The following FAM168A variants were observed in gnomAD, a reference collection of about 807,000 sequenced individuals.
The protein encoded by FAM168A is family with sequence similarity 168 member A, also known as protein FAM168A.
In FAM168A, 3 loss-of-function variants were observed where a neutral mutation model predicts 28.5. That is an observed-to-expected ratio of 0.11 (90% confidence interval 0.05 to 0.27). The LOEUF (loss-of-function observed/expected upper bound fraction) is 0.27. Ranked by LOEUF, FAM168A falls within the 10% of genes least tolerant of loss-of-function variation. FAM168A has a pLI of 1.00. For synonymous variants in FAM168A, 122 were observed against 124.2 expected (o/e 0.98, Z 0.12); for missense variants, 222 against 311.5 (o/e 0.71, Z 2.16).
At chr11:73,456,912 TG>T (rs35228221) in intron 2 of FAM168A, among the ~76,000 whole-genome samples, 3 of 152,140 alleles carry the variant, frequency 2.0e-5, no homozygotes, top group Admixed American at 2.0e-4. Flanking sequence ...CCTCCAAATA[TG>T]GGGGTTATGT....
At chr11:73,416,552 A>T (rs1019839198) in intron 4 of FAM168A, among the ~76,000 whole-genome samples, 1 of 152,226 alleles carries the variant, frequency 6.6e-6, no homozygotes, top group Non-Finnish European at 1.5e-5. Context: ...TGAATTTGTC[A>T]AAGTGCCCTG....
intron 2 of FAM168A, among the ~76,000 whole-genome samples, chr11:73,435,502 G>A (rs1033304588): frequency 6.6e-6 from 1 of 152,116 alleles, no homozygotes; most frequent in African/African-American, 2.4e-5. Context: ...AGCATTACAG[G>A]GAGCTTTATT....
intron 1 of FAM168A, among the ~76,000 whole-genome samples, chr11:73,536,288 C>CAAATAAA (rs1474492014): frequency 6.6e-6 from 1 of 152,122 alleles, no homozygotes; most frequent in Non-Finnish European, 1.5e-5. Flanking sequence ...TTTGGGACCA[C>CAAATAAA]AAATAAAAAG....
chr11:73,412,504 AC>A (rs1400056089), intron 4 of FAM168A, among the ~76,000 whole-genome samples: 1 of 152,228 alleles, frequency 6.6e-6, no homozygotes. Context: ...ACAGAAAAAA[AC>A]TTGAAACATG....
chr11:73,466,253 C>T lies in FAM168A; in HGVS notation c.70+2152G>A, dbSNP rs533936280. 5.9e-5 allele frequency among the ~76,000 whole-genome samples: 9 copies of T among 152,110 alleles called. 1 individual carries two copies. Among genetic ancestry groups the T allele is most frequent in the Non-Finnish European group, 1.3e-4 (9 of 68,026 alleles). ...GCTCCTCAAAGGGAAGCTTTCCTAG[C>T]CCTAGAAATGGAAAAGACAATCCTC... On this transcript the variant is annotated intron_variant, in intron 2 of 7. Coordinates refer to ENST00000356467, the MANE Select transcript of FAM168A (RefSeq NM_015159.3).
intron 1 of FAM168A, among the ~76,000 whole-genome samples, chr11:73,511,458 C>T (rs1284747373): frequency 1.3e-5 from 2 of 151,814 alleles, no homozygotes; most frequent in Non-Finnish European, 2.9e-5. Context: ...AGGATGGTCT[C>T]GATCTCCTGA....
intron 1 of FAM168A, among the ~76,000 whole-genome samples, chr11:73,497,003 T>G (rs1347817781): frequency 9.2e-5 from 14 of 152,164 alleles, no homozygotes; most frequent in Non-Finnish European, 1.2e-4. Flanking sequence ...ATTCCCCACG[T>G]ATTTTTGAAA....
At chr11:73,578,114 T>C (rs1324000077) in intron 1 of FAM168A, among the ~76,000 whole-genome samples, 1 of 152,204 alleles carries the variant, frequency 6.6e-6, no homozygotes, top group African/African-American at 2.4e-5. Flanking sequence ...AGGCTCTTTA[T>C]ACACATTAAT....
intron 1 of FAM168A, among the ~76,000 whole-genome samples, chr11:73,537,270 C>T (rs908689244): frequency 7.9e-5 from 12 of 152,080 alleles, no homozygotes; most frequent in African/African-American, 2.9e-4. Flanking sequence ...GATCAAGAAA[C>T]ACTTTGTAGG....
chr11:73,568,099 C>T (rs1056238784), intron 1 of FAM168A, among the ~76,000 whole-genome samples: 8 of 152,146 alleles, frequency 5.3e-5, no homozygotes, highest in African/African-American at 1.9e-4. Context: ...TTGGCGGTAC[C>T]TTTTAGATTG....
chr11:73,556,532 G>A (rs895655059), intron 1 of FAM168A, among the ~76,000 whole-genome samples: 3 of 151,940 alleles, frequency 2.0e-5, no homozygotes, highest in African/African-American at 7.3e-5. Flanking sequence ...GATTGTCAGG[G>A]GGGTAGGGAG....
intron 2 of FAM168A, among the ~76,000 whole-genome samples, chr11:73,446,113 G>A (rs192506216): frequency 1.3e-5 from 2 of 152,226 alleles, no homozygotes; most frequent in Non-Finnish European, 2.9e-5. Context: ...TGTGTACTCT[G>A]TGGGATTGAA....
At chr11:73,568,234 G>C (rs756821094) in intron 1 of FAM168A, among the ~76,000 whole-genome samples, 6 of 152,108 alleles carry the variant, frequency 3.9e-5, no homozygotes, top group Non-Finnish European at 8.8e-5. Context: ...ACTAATCAAG[G>C]CTGAAAATTC....
intron 1 of FAM168A, among the ~76,000 whole-genome samples, chr11:73,591,348 T>A (rs1208897921): frequency 6.6e-6 from 1 of 152,104 alleles, no homozygotes; most frequent in African/African-American, 2.4e-5. Flanking sequence ...TGTAAAATGA[T>A]CACAATTCCT....
At chr11:73,510,370 G>A (rs1053570131) in intron 1 of FAM168A, among the ~76,000 whole-genome samples, 2 of 152,162 alleles carry the variant, frequency 1.3e-5, no homozygotes, top group African/African-American at 2.4e-5. Context: ...TAGAAAATTA[G>A]GAGGTAGTAG....
intron 1 of FAM168A, among the ~76,000 whole-genome samples, chr11:73,557,183 C>A (rs1943901535): frequency 6.6e-6 from 1 of 152,150 alleles, no homozygotes; most frequent in Non-Finnish European, 1.5e-5. Context: ...GAAATTCTGA[C>A]ACGTACCAAA....
chr11:73,447,607 T>C (rs1590783866), intron 2 of FAM168A, among the ~76,000 whole-genome samples: 1 of 151,474 alleles, frequency 6.6e-6, no homozygotes, highest in East Asian at 1.9e-4. Flanking sequence ...AGGTCTAGTA[T>C]CAGTCCAGTG....
intron 1 of FAM168A, among the ~76,000 whole-genome samples, chr11:73,591,090 G>A (rs1944375465): frequency 6.6e-6 from 1 of 152,098 alleles, no homozygotes; most frequent in Non-Finnish European, 1.5e-5. Flanking sequence ...TTTGCAGTGA[G>A]CAGAGATCGT....
chr11:73,429,976 T>G (rs181654955), intron 3 of FAM168A, among the ~76,000 whole-genome samples: 172 of 152,246 alleles, frequency 1.1e-3, no homozygotes, highest in Admixed American at 0.011. Flanking sequence ...AACTAGTGAG[T>G]TGGGTAATCA....
Sources: gnomAD v4.1 joint callset for allele counts (sites outside exome capture counted in the v4.1 genomes callset) on GRCh38, gnomAD v4.1.1 for gene constraint, MANE v1.5 for transcripts, NCBI Gene and HGNC (gene_info 2026-07-23, HGNC 2026-07-21) for gene names.